GRAMD1B: variants seen among roughly 807,000 people sequenced by gnomAD.
The protein encoded by GRAMD1B is GRAM domain containing 1B.
A neutral mutation model predicts 99.7 loss-of-function variants in GRAMD1B; 37 were observed. The observed-to-expected ratio is 0.37, with a 90% CI of 0.29 to 0.49. The LOEUF is 0.49. Ranked by LOEUF, GRAMD1B falls within the 20% of genes least tolerant of loss-of-function variation. The pLI is 0.98. For missense variants in GRAMD1B, 888 were observed against 1,009.2 expected (o/e 0.88, Z 1.63); for synonymous variants, 427 against 387.6 (o/e 1.10, Z -1.19).
intron 4 of GRAMD1B, among the ~76,000 whole-genome samples, chr11:123,585,840 C>T (rs537594855): frequency 6.6e-6 from 1 of 152,314 alleles, no homozygotes; most frequent in South Asian, 2.1e-4. Flanking sequence ...GTCCTTGTTG[C>T]TAATCTCCTT....
chr11:123,415,987 T>G (rs1018654533), intron 1 of GRAMD1B, among the ~76,000 whole-genome samples: 4 of 152,226 alleles, frequency 2.6e-5, no homozygotes, highest in African/African-American at 9.6e-5. Flanking sequence ...TTTTGTCTAT[T>G]GCATCAGGCT....
chr11:123,409,795 A>G (rs1251446269), intron 1 of GRAMD1B, among the ~76,000 whole-genome samples: 1 of 152,222 alleles, frequency 6.6e-6, no homozygotes, highest in Non-Finnish European at 1.5e-5. Flanking sequence ...TATAGTTCAA[A>G]CAAACTAACA....
intron 1 of GRAMD1B, among the ~76,000 whole-genome samples, chr11:123,431,744 CAG>C (rs1402427225): frequency 2.6e-5 from 4 of 152,346 alleles, no homozygotes; most frequent in African/African-American, 9.6e-5. Context: ...CCTACCATAT[CAG>C]AGTCTTTAGA....
intron 1 of GRAMD1B, among the ~76,000 whole-genome samples, chr11:123,387,216 C>T (rs1262894154): frequency 6.6e-6 from 1 of 152,112 alleles, no homozygotes; most frequent in Non-Finnish European, 1.5e-5. Context: ...TAAGAAGTAT[C>T]GTCTGGCTTC....
At chr11:123,590,157 G>A (rs543839384) in intron 4 of GRAMD1B, among the ~76,000 whole-genome samples, 1 of 152,140 alleles carries the variant, frequency 6.6e-6, no homozygotes, top group Non-Finnish European at 1.5e-5. Context: ...TCCCCCTCTT[G>A]CTAATGCTGA....
Position 123,536,575 on chromosome 11 carries a change from A to AT in GRAMD1B, c.453-40784dup, listed in dbSNP as rs574420908. 2.2e-3 allele frequency among the ~76,000 whole-genome samples: 332 copies of AT among 151,942 alleles called. 2 individuals are homozygous for AT. The highest frequency in any genetic ancestry group is 7.5e-3 in the African/African-American group (309 of 41,446). ...CGTTATAAAAGTTAGCTGCCCCTAT[A>AT]TTTTTTTTGTTTTATATTTAGCACT... On this transcript the variant is annotated intron_variant, in intron 2 of 19. Coordinates refer to ENST00000635736, the MANE Select transcript of GRAMD1B (RefSeq NM_001387025.1).
chr11:123,398,947 A>G (rs1947561293), intron 1 of GRAMD1B, among the ~76,000 whole-genome samples: 2 of 152,186 alleles, frequency 1.3e-5, no homozygotes, highest in Admixed American at 1.3e-4. Flanking sequence ...TAAGGAAACA[A>G]CATAATATCT....
At chr11:123,599,047 A>C in intron 7 of GRAMD1B, 1 of 1,072,988 alleles carries the variant, frequency 9.3e-7, no homozygotes, top group Non-Finnish European at 1.5e-6. Flanking sequence ...TAACGACCAT[A>C]TCCCTCTTCA....
intron 7 of GRAMD1B, chr11:123,598,328 C>G: frequency 8.3e-7 from 1 of 1,205,666 alleles, no homozygotes; most frequent in South Asian, 1.2e-5. Context: ...TGTAAATGAT[C>G]TCGTTCTCTT....
intron 2 of GRAMD1B, among the ~76,000 whole-genome samples, chr11:123,482,957 G>A (rs1221397348): frequency 1.3e-5 from 2 of 151,988 alleles, no homozygotes; most frequent in Non-Finnish European, 2.9e-5. Context: ...TACTCCGGAG[G>A]CTGAGGCAGA....
At chr11:123,486,252 C>A (rs751259017) in intron 2 of GRAMD1B, among the ~76,000 whole-genome samples, 2 of 152,170 alleles carry the variant, frequency 1.3e-5, no homozygotes, top group Non-Finnish European at 2.9e-5. Context: ...CTGTTCTTGA[C>A]AAAGCAGAGA....
At chr11:123,515,050 A>G (rs149140241) in intron 2 of GRAMD1B, among the ~76,000 whole-genome samples, 1 of 152,370 alleles carries the variant, frequency 6.6e-6, no homozygotes, top group Non-Finnish European at 1.5e-5. Context: ...GTGAACGTTG[A>G]CAGCAAGAAG....
chr11:123,525,254 C>T (rs1366642031), intron 2 of GRAMD1B, among the ~76,000 whole-genome samples: 1 of 152,212 alleles, frequency 6.6e-6, no homozygotes, highest in African/African-American at 2.4e-5. Context: ...ATTCTGTGTG[C>T]AGCACACTGC....
chr11:123,602,079 A>G (rs1952053221), intron 8 of GRAMD1B, among the ~76,000 whole-genome samples: 1 of 152,160 alleles, frequency 6.6e-6, no homozygotes, highest in Non-Finnish European at 1.5e-5. Context: ...CAGAGATAGG[A>G]GGGGGAGGTC....
chr11:123,553,071 G>T (rs531640575), intron 2 of GRAMD1B, among the ~76,000 whole-genome samples: 3 of 152,146 alleles, frequency 2.0e-5, no homozygotes, highest in African/African-American at 7.2e-5. Context: ...TCCTTCAAAA[G>T]CTCTGATACC....
intron 2 of GRAMD1B, among the ~76,000 whole-genome samples, chr11:123,512,624 T>C (rs949773685): frequency 6.6e-6 from 1 of 151,848 alleles, no homozygotes; most frequent in African/African-American, 2.4e-5. Context: ...GGCTGAGGCA[T>C]TTACTTTCAG....
intron 8 of GRAMD1B, among the ~76,000 whole-genome samples, chr11:123,601,506 T>G (rs1791999): frequency 6.2e-5 from 8 of 128,740 alleles, no homozygotes; most frequent in African/African-American, 1.8e-4. Context: ...TCCCCCAGGA[T>G]TAATTTTTAT....
At chr11:123,488,955 G>A (rs78945849) in intron 2 of GRAMD1B, among the ~76,000 whole-genome samples, 1,587 of 152,136 alleles carry the variant, frequency 0.01, 24 homozygotes, top group African/African-American at 0.037. Flanking sequence ...TTACCTCTCT[G>A]CGTACCCCCT....
chr11:123,369,261 A>G (rs1946435733), intron 1 of GRAMD1B, among the ~76,000 whole-genome samples: 1 of 152,182 alleles, frequency 6.6e-6, no homozygotes, highest in Non-Finnish European at 1.5e-5. Flanking sequence ...TGATCACACC[A>G]TTGCACTCCA....
Sources: allele counts gnomAD v4.1 joint callset (sites outside exome capture counted in the v4.1 genomes callset), GRCh38; gene constraint gnomAD v4.1.1; transcripts MANE v1.5; gene names NCBI Gene and HGNC (gene_info 2026-07-23, HGNC 2026-07-21).